NTM: variants seen among roughly 807,000 people sequenced by gnomAD.
The protein encoded by NTM is IgLON family member 2.
A neutral mutation model predicts 42.1 loss-of-function variants in NTM; 13 were observed. The observed-to-expected ratio is 0.31, with a 90% confidence interval of 0.20 to 0.49. The LOEUF is 0.49. NTM is among the 20% of genes least tolerant of loss of function. NTM has a pLI of 0.99. For missense variants in NTM, 373 were observed against 452.8 expected, an observed-to-expected ratio of 0.82 and a Z score of 1.60; for synonymous variants, 187 against 179.2, an observed-to-expected ratio of 1.04 and a Z score of -0.35.
intron 1 of NTM, chr11:131,663,363 A>G (rs2068435030): frequency 6.6e-6 from 1 of 152,216 alleles, no homozygotes; most frequent in African/African-American, 2.4e-5. Context: ...ATTTGCTTGG[A>G]ATCCATCGAT....
At chr11:131,911,350 C>A in intron 1 of NTM, 1 of 1,517,246 alleles carries the variant, frequency 6.6e-7, no homozygotes, top group Non-Finnish European at 8.8e-7. Context: ...TTCTCCTCCC[C>A]GCGCCTCCCG....
chr11:132,037,831 G>A (rs2076693730), intron 2 of NTM, among the ~76,000 whole-genome samples: 2 of 152,294 alleles, frequency 1.3e-5, no homozygotes, highest in South Asian at 2.1e-4. Flanking sequence ...TAACTAATAT[G>A]TGCAGGTAAT....
intron 1 of NTM, among the ~76,000 whole-genome samples, chr11:131,846,941 A>G (rs1458334528): frequency 1.3e-5 from 2 of 152,166 alleles, no homozygotes; most frequent in Non-Finnish European, 2.9e-5. Flanking sequence ...GCAATCAGGA[A>G]CTGGACTGTT....
intron 1 of NTM, among the ~76,000 whole-genome samples, chr11:131,819,475 T>C (rs2093089184): frequency 6.6e-6 from 1 of 152,336 alleles, no homozygotes; most frequent in South Asian, 2.1e-4. Flanking sequence ...CATTCATTTG[T>C]TCATTTCACA....
At chr11:132,259,346 A>G (rs1443880339) in intron 4 of NTM, among the ~76,000 whole-genome samples, 1 of 152,140 alleles carries the variant, frequency 6.6e-6, no homozygotes, top group Admixed American at 6.5e-5. Context: ...AAATGTAGAA[A>G]CTGCACATTG....
intron 2 of NTM, among the ~76,000 whole-genome samples, chr11:132,126,014 G>C (rs1252373238): frequency 6.6e-6 from 1 of 152,002 alleles, no homozygotes; most frequent in African/African-American, 2.4e-5. Context: ...GCCCAGCAAA[G>C]GTGGAGCCTC....
At chr11:132,181,188 C>T (rs2138048867) in intron 3 of NTM, among the ~76,000 whole-genome samples, 1 of 152,316 alleles carries the variant, frequency 6.6e-6, no homozygotes, top group East Asian at 1.9e-4. Flanking sequence ...TTGACTTTCA[C>T]CCAACTCTCA....
rs1027269011 is a variant in NTM, at chr11:131,637,664, C to G, written c.82+266776C>G. On this transcript the variant is annotated intron_variant, in intron 1 of 8. Coordinates refer to ENST00000683400, the MANE Select transcript of NTM (RefSeq NM_001352005.2). Reference sequence around the variant, plus strand: ...GTAATTATCTGCTCATCTCTGCTCCCGTTCCTCACCACCAACCGTCTTTCC... The same window carrying G: ...GTAATTATCTGCTCATCTCTGCTCCGGTTCCTCACCACCAACCGTCTTTCC... Among the ~76,000 whole-genome samples, 6 of 151,828 alleles carry G rather than the reference C, an allele frequency of 4.0e-5. No individual in the cohort carries two copies. The East Asian group carries it at 1.2e-3, about 30-fold the overall frequency.
At position 132,232,156 on chromosome 11, in the gene NTM, A is replaced by G. The variant is rs1430268820; in HGVS notation, c.526+20009A>G. Among the ~76,000 whole-genome samples, 3 of 152,350 alleles carry G rather than the reference A, an allele frequency of 2.0e-5. 1 individual carries two copies. The highest frequency in any genetic ancestry group is 6.8e-3 in the Middle Eastern group (2 of 294). Reference sequence around the variant, plus strand: ...TGCAGCTGGAGAGTGCTGAGAAGTCAGCCCTTCAGAGCAATTACAATTCAT... The same window carrying G: ...TGCAGCTGGAGAGTGCTGAGAAGTCGGCCCTTCAGAGCAATTACAATTCAT... On this transcript the variant is annotated intron_variant, in intron 4 of 8. Transcript: ENST00000683400.
At chr11:131,838,680 A>G (rs927944103) in intron 1 of NTM, among the ~76,000 whole-genome samples, 9 of 151,750 alleles carry the variant, frequency 5.9e-5, no homozygotes, top group Non-Finnish European at 1.0e-4. Flanking sequence ...TGCGCACTCA[A>G]ACTGATCTGA....
intron 2 of NTM, among the ~76,000 whole-genome samples, chr11:132,038,252 C>A (rs989450360): frequency 2.0e-5 from 3 of 152,196 alleles, no homozygotes; most frequent in Admixed American, 6.5e-5. Context: ...GATCAATCCA[C>A]CTTTCTTGAT....
intron 4 of NTM, among the ~76,000 whole-genome samples, chr11:132,248,192 CAG>C (rs750771327): frequency 4.3e-4 from 66 of 152,270 alleles, no homozygotes; most frequent in Non-Finnish European, 7.5e-4. Context: ...GAGGGAGAGA[CAG>C]GGGAAAAAAC....
At chr11:132,007,797 G>C (rs1243253202) in intron 2 of NTM, among the ~76,000 whole-genome samples, 1 of 152,114 alleles carries the variant, frequency 6.6e-6, no homozygotes, top group Admixed American at 6.5e-5. Flanking sequence ...TTTCATCTCA[G>C]GTCAGCTAAA....
At chr11:131,484,750 T>C (rs1045037715) in intron 1 of NTM, among the ~76,000 whole-genome samples, 19 of 152,218 alleles carry the variant, frequency 1.2e-4, no homozygotes, top group African/African-American at 4.1e-4. Flanking sequence ...TTTTGCATGC[T>C]CTTCCTTCAT....
At chr11:131,476,594 A>T (rs1286601245) in intron 1 of NTM, among the ~76,000 whole-genome samples, 1 of 152,150 alleles carries the variant, frequency 6.6e-6, no homozygotes, top group East Asian at 1.9e-4. Flanking sequence ...AGAGGGGTTT[A>T]TGTGTGTTCT....
intron 7 of NTM, among the ~76,000 whole-genome samples, chr11:132,320,319 G>C (rs375078141): frequency 6.6e-6 from 1 of 152,216 alleles, no homozygotes; most frequent in African/African-American, 2.4e-5. Flanking sequence ...GTGGGTGCAC[G>C]CACCATGCGC....
chr11:132,111,382 A>C (rs1321317264), intron 2 of NTM, among the ~76,000 whole-genome samples: 4 of 152,192 alleles, frequency 2.6e-5, no homozygotes, highest in Non-Finnish European at 5.9e-5. Context: ...AAACAAAAAC[A>C]AAACAAGCCT....
chr11:132,187,538 A>G (rs1336203861), intron 3 of NTM, among the ~76,000 whole-genome samples: 2 of 152,186 alleles, frequency 1.3e-5, no homozygotes, highest in South Asian at 2.1e-4. Flanking sequence ...TACAGTGCTC[A>G]GGCTGAGGCT....
At chr11:131,967,863 C>T (rs2063029912) in intron 2 of NTM, among the ~76,000 whole-genome samples, 1 of 152,120 alleles carries the variant, frequency 6.6e-6, no homozygotes, top group Non-Finnish European at 1.5e-5. Context: ...GCCTGCTTTT[C>T]TCATTAACTG....
Sources: allele counts gnomAD v4.1 joint callset (sites outside exome capture counted in the v4.1 genomes callset), GRCh38; gene constraint gnomAD v4.1.1; transcripts MANE v1.5; gene names NCBI Gene and HGNC (gene_info 2026-07-23, HGNC 2026-07-21).